The following ATP6V1H variants were observed in gnomAD, a reference collection of about 807,000 sequenced individuals.
ATP6V1H encodes the protein ATPase H+ transporting V1 subunit H.
ATP6V1H carries 39 observed loss-of-function variants against 71.7 expected under a neutral mutation model. The observed-to-expected ratio is 0.54, with a 90% CI of 0.42 to 0.71. The LOEUF (loss-of-function observed/expected upper bound fraction) is 0.71. Ranked by LOEUF, ATP6V1H falls within the 30% of genes least tolerant of loss-of-function variation. ATP6V1H has a pLI of 0.00. For synonymous variants in ATP6V1H, 192 were observed against 199.3 expected, an observed-to-expected ratio of 0.96 and a Z score of 0.31; for missense variants, 509 against 594.9, an observed-to-expected ratio of 0.86 and a Z score of 1.50.
At chr8:53,805,882 T>C (rs1810060572) in intron 7 of ATP6V1H, among the ~76,000 whole-genome samples, 1 of 152,154 alleles carries the variant, frequency 6.6e-6, no homozygotes, top group South Asian at 2.1e-4. Flanking sequence ...CTCAGACACA[T>C]AAGAATTTAT....
Position 53,817,577 on chromosome 8 carries a change from A to C in ATP6V1H, c.307-47T>G, listed in dbSNP as rs776052877. 6.3e-6 allele frequency: 8 copies of C among 1,263,066 alleles called. No individual in the cohort carries two copies. The South Asian group carries it at 1.0e-4, about 16-fold the overall frequency. The allele number at this position is 1,263,066 out of a possible 1,614,324, so 78.2% of individuals were successfully genotyped here. A position where few individuals can be genotyped will look rare whatever the true frequency, so the allele number is the denominator to read the frequency against. On this transcript the variant is annotated intron_variant, in intron 4 of 13. Coordinates refer to ENST00000359530, the MANE Select transcript of ATP6V1H (RefSeq NM_015941.4). ...ATCACCAGTCAGAACACATTTTGCT[A>C]AAGAATGTAACGACTGTGCACCACT...
At chr8:53,813,638 A>G (rs1810355512) in intron 6 of ATP6V1H, among the ~76,000 whole-genome samples, 1 of 151,954 alleles carries the variant, frequency 6.6e-6, no homozygotes, top group Non-Finnish European at 1.5e-5. Context: ...CTTCATACCT[A>G]CACTTCAACC....
chr8:53,806,258 T>C (rs1585808301), intron 7 of ATP6V1H, among the ~76,000 whole-genome samples: 1 of 150,108 alleles, frequency 6.7e-6, no homozygotes, highest in Non-Finnish European at 1.5e-5. Flanking sequence ...CTGGGAAAAA[T>C]AAAAAAAAAC....
intron 8 of ATP6V1H, among the ~76,000 whole-genome samples, chr8:53,801,252 T>C (rs1809899799): frequency 6.6e-6 from 1 of 152,234 alleles, no homozygotes; most frequent in Non-Finnish European, 1.5e-5. Context: ...CCTTGCTAAA[T>C]GAAAAGAATA....
At chr8:53,761,413 A>T (rs1194874963) in intron 11 of ATP6V1H, among the ~76,000 whole-genome samples, 1 of 152,200 alleles carries the variant, frequency 6.6e-6, no homozygotes, top group Admixed American at 6.5e-5. Context: ...TACAAAGGTA[A>T]AGGGAGTAAT....
intron 9 of ATP6V1H, among the ~76,000 whole-genome samples, chr8:53,772,571 T>C (rs1032324459): frequency 6.6e-6 from 1 of 152,106 alleles, no homozygotes; most frequent in African/African-American, 2.4e-5. Context: ...AGTTCTCCAG[T>C]TCCCAGTCTG....
At chr8:53,823,870 A>G (rs978554306) in intron 4 of ATP6V1H, among the ~76,000 whole-genome samples, 32 of 152,174 alleles carry the variant, frequency 2.1e-4, no homozygotes, top group African/African-American at 7.7e-4. Flanking sequence ...AAAAGAGTAA[A>G]GGAAGAATAT....
intron 13 of ATP6V1H, among the ~76,000 whole-genome samples, chr8:53,736,202 A>G (rs1296327483): frequency 1.3e-5 from 2 of 152,150 alleles, no homozygotes; most frequent in African/African-American, 4.8e-5. Context: ...CCCACTGTAC[A>G]CATACTACTT....
chr8:53,839,134 A>G (rs910686675), intron 2 of ATP6V1H, among the ~76,000 whole-genome samples: 5 of 152,226 alleles, frequency 3.3e-5, no homozygotes, highest in Middle Eastern at 3.2e-3. Context: ...TGGGTAACGA[A>G]GAACAGAAAT....
At chr8:53,820,509 T>A (rs191966198) in intron 4 of ATP6V1H, among the ~76,000 whole-genome samples, 4 of 151,716 alleles carry the variant, frequency 2.6e-5, no homozygotes, top group Admixed American at 2.0e-4. Context: ...AATTAAAAAA[T>A]TTTTTTAATT....
chr8:53,803,563 C>A (rs947243811), intron 7 of ATP6V1H, among the ~76,000 whole-genome samples: 2 of 151,946 alleles, frequency 1.3e-5, no homozygotes, highest in Non-Finnish European at 2.9e-5. Context: ...CACTTTAATA[C>A]AAAAACAAAA....
chr8:53,766,796 C>G (rs1056475408), intron 11 of ATP6V1H, among the ~76,000 whole-genome samples: 1 of 152,124 alleles, frequency 6.6e-6, no homozygotes, highest in African/African-American at 2.4e-5. Flanking sequence ...TTGGTCAGAC[C>G]GGTTGATCTC....
intron 13 of ATP6V1H, among the ~76,000 whole-genome samples, chr8:53,733,817 G>T (rs1437756132): frequency 6.6e-6 from 1 of 152,124 alleles, no homozygotes; most frequent in East Asian, 1.9e-4. Flanking sequence ...TCTGTGAGTT[G>T]AAAGAAAAAC....
At chr8:53,817,379 A>G in intron 5 of ATP6V1H, 38 bp downstream of exon 5, 1 of 1,453,480 alleles carries the variant, frequency 6.9e-7, no homozygotes, top group Non-Finnish European at 9.5e-7. Context: ...CTCTTTAAAA[A>G]AATTTTAAAA....
intron 8 of ATP6V1H, among the ~76,000 whole-genome samples, chr8:53,798,963 T>C (rs1479475159): frequency 6.6e-6 from 1 of 152,312 alleles, no homozygotes; most frequent in African/African-American, 2.4e-5. Context: ...TTGTACTCAG[T>C]ATACCATGAG....
chr8:53,832,037 C>T (rs1458873290), intron 3 of ATP6V1H: 2 of 152,024 alleles, frequency 1.3e-5, no homozygotes, highest in Non-Finnish European at 2.9e-5. Flanking sequence ...TGGAAAATTA[C>T]ACAACGGAAC....
chr8:53,813,468 A>C lies in ATP6V1H; in HGVS notation c.525+1194T>G, dbSNP rs151314676. Among the ~76,000 whole-genome samples, 337 of 152,342 alleles carry C rather than the reference A, an allele frequency of 2.2e-3. 2 individuals are homozygous for C. The highest frequency in any genetic ancestry group is 7.8e-3 in the African/African-American group (326 of 41,590). Reference sequence around the variant, plus strand: ...AAATTTCAAATAGACATTCATTTGTAATCTAACAACCTAATAATATTGTTT... The same window carrying C: ...AAATTTCAAATAGACATTCATTTGTCATCTAACAACCTAATAATATTGTTT... On this transcript the variant is annotated intron_variant, in intron 6 of 13. Transcript: ENST00000359530.
intron 4 of ATP6V1H, among the ~76,000 whole-genome samples, chr8:53,824,299 C>G (rs561625055): frequency 6.6e-6 from 1 of 152,130 alleles, no homozygotes; most frequent in African/African-American, 2.4e-5. Flanking sequence ...CAAAACTTAG[C>G]CCTTGTAGTC....
intron 9 of ATP6V1H, among the ~76,000 whole-genome samples, chr8:53,788,543 G>A (rs2130389134): frequency 6.6e-6 from 1 of 152,236 alleles, no homozygotes; most frequent in South Asian, 2.1e-4. Flanking sequence ...TGGAGAAAAG[G>A]GCAGGGAAAT....
Sources: gnomAD v4.1 joint callset for allele counts (sites outside exome capture counted in the v4.1 genomes callset) on GRCh38, gnomAD v4.1.1 for gene constraint, MANE v1.5 for transcripts, NCBI Gene and HGNC (gene_info 2026-07-23, HGNC 2026-07-21) for gene names.